PLXDC2: variants seen among roughly 807,000 people sequenced by gnomAD.
PLXDC2 encodes the protein plexin domain containing 2.
In PLXDC2, 40 loss-of-function variants were observed where a neutral mutation model predicts 68.9. The ratio of observed to expected loss-of-function variants is 0.58; its 90% CI spans 0.45 to 0.76. The LOEUF (loss-of-function observed/expected upper bound fraction) is 0.76, where lower values mean the gene tolerates loss of function less well. PLXDC2 is among the 30% of genes least tolerant of loss of function. The pLI, the probability that PLXDC2 is intolerant of heterozygous loss-of-function variation, is 0.00. For missense variants in PLXDC2, 644 were observed against 661.9 expected (o/e 0.97, Z 0.30); for synonymous variants, 243 against 234.2 (o/e 1.04, Z -0.34).
intron 1 of PLXDC2, among the ~76,000 whole-genome samples, chr10:19,986,560 A>G (rs1384143571): frequency 1.6e-5 from 2 of 125,088 alleles, no homozygotes; most frequent in Non-Finnish European, 3.8e-5. Flanking sequence ...AAGAAAAAGA[A>G]AAAGACATAC....
intron 13 of PLXDC2, among the ~76,000 whole-genome samples, chr10:20,250,605 G>A (rs1835663725): frequency 1.3e-5 from 2 of 152,166 alleles, no homozygotes; most frequent in African/African-American, 4.8e-5. Context: ...TTAAGCCCAG[G>A]CTCTCCAACT....
intron 1 of PLXDC2, among the ~76,000 whole-genome samples, chr10:19,980,156 C>G (rs1240281673): frequency 6.6e-6 from 1 of 152,084 alleles, no homozygotes; most frequent in East Asian, 1.9e-4. Context: ...GATGGTGTGA[C>G]TGCATTTTTT....
intron 12 of PLXDC2, among the ~76,000 whole-genome samples, chr10:20,239,771 G>A (rs997531040): frequency 1.1e-4 from 17 of 152,206 alleles, no homozygotes; most frequent in African/African-American, 4.1e-4. Context: ...ACAATCAGTC[G>A]AGCCACATAT....
At chr10:20,263,468 C>CA (rs1835834185) in intron 13 of PLXDC2, among the ~76,000 whole-genome samples, 1 of 152,156 alleles carries the variant, frequency 6.6e-6, no homozygotes, top group Middle Eastern at 3.2e-3. Context: ...ACAACAAAGA[C>CA]ACCAAAAGCA....
At chr10:20,066,625 TAGTC>T (rs1217101875) in intron 3 of PLXDC2, among the ~76,000 whole-genome samples, 6 of 152,220 alleles carry the variant, frequency 3.9e-5, no homozygotes, top group African/African-American at 9.7e-5. Flanking sequence ...TTGTTCCTGT[TAGTC>T]AGCACAAAAT....
At chr10:20,036,980 G>T (rs936299544) in intron 2 of PLXDC2, among the ~76,000 whole-genome samples, 1 of 152,158 alleles carries the variant, frequency 6.6e-6, no homozygotes, top group Admixed American at 6.5e-5. Flanking sequence ...TTTTAGTGAG[G>T]ACCGCTTAAA....
chr10:20,240,088 A>G (rs554505972), intron 12 of PLXDC2, among the ~76,000 whole-genome samples: 8 of 152,200 alleles, frequency 5.3e-5, no homozygotes, highest in African/African-American at 1.9e-4. Context: ...GCCTCCCTCT[A>G]TCCTCAAGTA....
Position 19,992,724 on chromosome 10 carries a change from T to C in PLXDC2, c.113-9051T>C, listed in dbSNP as rs117339457. ...ACAACAACCAATATTACTGTAGTAT[T>C]ACTTTCTGCTCCGTTTTTACCTTAA... On this transcript the variant is annotated intron_variant, in intron 1 of 13. Transcript: ENST00000377252. Among the ~76,000 whole-genome samples the C allele has an allele frequency of 1.3e-3, 195 of 152,332 alleles. 4 individuals carry two copies. In the East Asian group the frequency reaches 0.029, roughly 23 times the overall value.
In PLXDC2 at chr10:20,287,641, A is replaced by C. The variant is rs1329450747; in HGVS notation, c.*7822A>C. On this transcript the variant is annotated 3_prime_UTR_variant, in exon 14 of 14. Coordinates refer to ENST00000377252, the MANE Select transcript of PLXDC2 (RefSeq NM_032812.9). ...ACATCAGAGCTTCACTTGCAAAGAA[A>C]TGTTAAAATCATTTTAGGGAAATCA... 6.6e-6 allele frequency: 1 copy of C among 152,190 alleles called. No homozygotes were observed. The highest frequency in any genetic ancestry group is 1.5e-5 in the Non-Finnish European group (1 of 68,040). The allele number at this position is 152,190 out of a possible 1,614,324, so 9.4% of individuals were successfully genotyped here.
intron 1 of PLXDC2, among the ~76,000 whole-genome samples, chr10:19,996,760 G>A (rs1162009002): frequency 6.6e-6 from 1 of 152,092 alleles, no homozygotes; most frequent in Non-Finnish European, 1.5e-5. Flanking sequence ...CATGTGGCTG[G>A]GGAGGCCTCA....
chr10:20,225,047 G>T lies in PLXDC2; in HGVS notation c.1312+5945G>T, dbSNP rs117607808. ...AGATCATGTTTAAGTTAATACAGAG[G>T]TACAAATCTGCAAAGTGATTGATTT... On this transcript the variant is annotated intron_variant, in intron 12 of 13. Coordinates refer to ENST00000377252, the MANE Select transcript of PLXDC2 (RefSeq NM_032812.9). Among the ~76,000 whole-genome samples, 1,292 of 152,214 alleles carry T rather than the reference G, an allele frequency of 8.5e-3. 5 individuals carry two copies. Among genetic ancestry groups the T allele is most frequent in the South Asian group, 0.016 (77 of 4,818 alleles).
At chr10:20,137,720 A>G (rs954329294) in intron 4 of PLXDC2, among the ~76,000 whole-genome samples, 6 of 152,234 alleles carry the variant, frequency 3.9e-5, no homozygotes, top group African/African-American at 1.2e-4. Flanking sequence ...TCATTCTTCA[A>G]TGTTGATGAG....
At chr10:19,972,315 CTG>C (rs1834368644) in intron 1 of PLXDC2, among the ~76,000 whole-genome samples, 1 of 152,146 alleles carries the variant, frequency 6.6e-6, no homozygotes, top group East Asian at 1.9e-4. Flanking sequence ...CAGCTGGAGA[CTG>C]TTATCCTAAG....
chr10:20,085,775 G>A (rs969521793), intron 4 of PLXDC2, among the ~76,000 whole-genome samples: 2 of 152,004 alleles, frequency 1.3e-5, no homozygotes, highest in Non-Finnish European at 2.9e-5. Context: ...TGTTTAATGT[G>A]CACTCCTACA....
chr10:20,234,437 G>A (rs1835405568), intron 12 of PLXDC2, among the ~76,000 whole-genome samples: 1 of 152,158 alleles, frequency 6.6e-6, no homozygotes. Context: ...ATTTTCCTAA[G>A]CAGCGTGATT....
intron 1 of PLXDC2, among the ~76,000 whole-genome samples, chr10:19,849,246 G>C (rs1171371934): frequency 6.6e-6 from 1 of 152,130 alleles, no homozygotes; most frequent in Admixed American, 6.5e-5. Context: ...TCTTTTCCAT[G>C]TGGTGAATTT....
intron 9 of PLXDC2, among the ~76,000 whole-genome samples, chr10:20,204,661 T>C (rs4748644): frequency 0.29 from 44,618 of 152,086 alleles, 7,302 homozygotes; most frequent in East Asian, 0.5. Context: ...TTAAGCAAAC[T>C]ACAGTAAATG....
intron 4 of PLXDC2, among the ~76,000 whole-genome samples, chr10:20,130,084 T>C (rs1833847338): frequency 6.6e-6 from 1 of 152,132 alleles, no homozygotes; most frequent in African/African-American, 2.4e-5. Flanking sequence ...GCATTTAATA[T>C]GTAGATTGCT....
intron 4 of PLXDC2, among the ~76,000 whole-genome samples, chr10:20,085,155 C>T (rs1038352822): frequency 4.4e-5 from 5 of 112,848 alleles, no homozygotes; most frequent in African/African-American, 2.1e-4. Flanking sequence ...ACCAAGCTCT[C>T]ATCTGTGTGC....
Sources: gnomAD v4.1 joint callset for allele counts (sites outside exome capture counted in the v4.1 genomes callset) on GRCh38, gnomAD v4.1.1 for gene constraint, MANE v1.5 for transcripts, NCBI Gene and HGNC (gene_info 2026-07-23, HGNC 2026-07-21) for gene names.